Variants in PDP2 observed in about 807,000 individuals in gnomAD.
The protein encoded by PDP2 is [Pyruvate dehydrogenase [acetyl-transferring]]-phosphatase 2, mitochondrial.
Under a neutral mutation model 34.2 loss-of-function variants are expected in PDP2, and 23 were observed. The ratio of observed to expected loss-of-function variants is 0.67; its 90% CI spans 0.48 to 0.95. The LOEUF is 0.95. Ranked by LOEUF, PDP2 falls within the 40% of genes least tolerant of loss-of-function variation. The pLI, the probability that PDP2 is intolerant of heterozygous loss-of-function variation, is 0.00. For synonymous variants in PDP2, 275 were observed against 269.2 expected (o/e 1.02, Z -0.21); for missense variants, 571 against 659.6 (o/e 0.87, Z 1.47).
At position 66,884,767 on chromosome 16, in the gene PDP2, A is replaced by G. The variant is rs1961671230; in HGVS notation, c.483A>G (p.Ala161=). Reference sequence around the variant, plus strand: ...GCGAGAGGCTCTTCTACTATGTGGCAGTGTCCCTGATGTCCCACCAGACCC... The same window carrying G: ...GCGAGAGGCTCTTCTACTATGTGGCGGTGTCCCTGATGTCCCACCAGACCC... ...AVSERLFYYV[A]VSLMSHQTLE... The change falls in exon 2 of 2, where the codon GCA becomes GCG. Residue 161 remains alanine, a synonymous_variant. Coordinates refer to ENST00000311765, the MANE Select transcript of PDP2 (RefSeq NM_020786.4). The G allele has an allele frequency of 6.2e-7, 1 of 1,614,190 alleles. No homozygotes were observed. The highest frequency in any genetic ancestry group is 8.5e-7 in the Non-Finnish European group (1 of 1,180,040).
Position 66,884,862 on chromosome 16 carries a change from C to T in PDP2, c.578C>T (p.Pro193Leu). 1 of 1,614,060 alleles carries T rather than the reference C, an allele frequency of 6.2e-7. No homozygotes were observed. Among genetic ancestry groups the T allele is most frequent in the Non-Finnish European group, 8.5e-7 (1 of 1,179,974 alleles). Reference protein sequence around the residue: ...LLPILHWLKHPGDSIYKDVTS... With the variant: ...LLPILHWLKHLGDSIYKDVTS... ...CCCATCCTGCATTGGCTCAAGCACCCAGGGGACAGTATCTACAAGGATGTC... is the reference window on the plus strand; with the variant it reads ...CCCATCCTGCATTGGCTCAAGCACCTAGGGGACAGTATCTACAAGGATGTC... The change falls in exon 2 of 2, where the codon CCA becomes CTA. Residue 193 changes from proline to leucine, a missense_variant. This residue lies in a region of PDP2 where 290 missense variants were observed against 283.8 expected (regional missense o/e 1.02). Coordinates refer to ENST00000311765, the MANE Select transcript of PDP2 (RefSeq NM_020786.4).
chr16:66,885,253 G>C lies in PDP2; in HGVS notation c.969G>C (p.Glu323Asp). ...CCGAGCTGTCCCGGCTAAAGAGGGA[G>C]CACCCTGAGTCAGAGGACAGGACGA... ...NQAELSRLKREHPESEDRTII... is the reference protein window; with the variant it reads ...NQAELSRLKRDHPESEDRTII... The change falls in exon 2 of 2, where the codon GAG (glutamate) becomes GAC (aspartate). Residue 323 changes from glutamate (E) to aspartate (D), a missense_variant. By Grantham distance (45) the Glu-to-Asp change is conservative (BLOSUM62 2). Transcript: ENST00000311765. This position sits in a 1 kb window ranked among gnomAD's most constrained non-coding sequence, Gnocchi z 4.6. 1.2e-6 allele frequency: 2 copies of C among 1,614,168 alleles called. No individual in the cohort carries two copies. The highest frequency in any genetic ancestry group is 2.2e-5 in the South Asian group (2 of 91,084).
Position 66,886,480 on chromosome 16 carries a change from C to T in PDP2, c.*606C>T. ...AGTTCTGTTTTCGTTTATTTTAAAA[C>T]TGAATCCTTAAACTTGCAAACACGC... is the stretch of plus-strand genomic sequence containing the variant. On this transcript the variant is annotated 3_prime_UTR_variant, in exon 2 of 2. Transcript: ENST00000311765. 2.2e-6 allele frequency: 1 copy of T among 447,106 alleles called. No homozygotes were observed. Among genetic ancestry groups the T allele is most frequent in the Non-Finnish European group, 4.7e-6 (1 of 212,834 alleles). The allele number at this position is 447,106 out of a possible 1,614,324, so 27.7% of individuals were successfully genotyped here. A position where few individuals can be genotyped will look rare whatever the true frequency, so the allele number is the denominator to read the frequency against.
rs751034375 is a variant in PDP2, at chr16:66,884,751, T to C, written c.467T>C (p.Leu156Pro). Residue 156 changes from leucine (L) to proline (P), a missense_variant, in exon 2 of 2, where the codon CTC (leucine) becomes CCC (proline). By Grantham distance (98) the Leu-to-Pro change is moderately conservative. Around this residue, in one of 2 missense-constraint regions of PDP2, gnomAD observed 290 missense variants for 283.8 expected, o/e 1.02. Transcript: ENST00000311765. ...HACAQAVSER[L>P]FYYVAVSLMS... The stretch of plus-strand genomic sequence containing the variant: ...TGTGCCCAAGCAGTGAGCGAGAGGC[T>C]CTTCTACTATGTGGCAGTGTCCCTG... The C allele has an allele frequency of 1.2e-5, 20 of 1,614,182 alleles. No homozygotes were observed. In the South Asian group the frequency reaches 2.1e-4, roughly 17 times the overall value.
At chr16:66,881,429 TTTAA>T (rs1312201043) in intron 1 of PDP2, among the ~76,000 whole-genome samples, 1,210 of 92,198 alleles carry the variant, frequency 0.013, 9 homozygotes, top group Non-Finnish European at 0.016. Flanking sequence ...TTTTTTTTTT[TTTAA>T]TTTAATTTAA....
intron 1 of PDP2, among the ~76,000 whole-genome samples, chr16:66,881,229 C>G (rs1319715121): frequency 6.6e-6 from 1 of 152,132 alleles, no homozygotes; most frequent in African/African-American, 2.4e-5. Flanking sequence ...GCCGGAGCGT[C>G]AGGCGCCCTC....
In PDP2 at chr16:66,884,785, C is replaced by T; in HGVS notation, c.501C>T (p.His167=). ...ATGTGGCAGTGTCCCTGATGTCCCA[C>T]CAGACCCTGGAGCACATGGAGGGAG... The part of the protein sequence containing the change: ...FYYVAVSLMS[H]QTLEHMEGAM... The change falls in exon 2 of 2, where the codon CAC becomes CAT. Residue 167 remains histidine, a synonymous_variant. Coordinates refer to ENST00000311765, the MANE Select transcript of PDP2 (RefSeq NM_020786.4). 1.2e-6 allele frequency: 2 copies of T among 1,614,140 alleles called. No homozygotes were observed. The highest frequency in any genetic ancestry group is 1.3e-5 in the African/African-American group (1 of 75,054).
Position 66,885,441 on chromosome 16 carries a change from C to T in PDP2, c.1157C>T (p.Pro386Leu), listed in dbSNP as rs1961716802. The part of the protein sequence containing the change: ...YQFTPPHYYT[P>L]PYLTAEPEVT... Reference sequence around the variant, plus strand: ...TTCACACCCCCACACTACTACACTCCACCCTACCTGACTGCTGAGCCTGAG... The same window carrying T: ...TTCACACCCCCACACTACTACACTCTACCCTACCTGACTGCTGAGCCTGAG... Residue 386 changes from proline (P) to leucine (L), a missense_variant, in exon 2 of 2, where the codon CCA becomes CTA. Physicochemically the swap from Pro to Leu is moderately conservative, Grantham distance 98. Coordinates refer to ENST00000311765, the MANE Select transcript of PDP2 (RefSeq NM_020786.4). This position sits in a 1 kb window ranked among gnomAD's most constrained non-coding sequence, Gnocchi z 4.6. 6.2e-7 allele frequency: 1 copy of T among 1,613,746 alleles called. No individual in the cohort carries two copies. The highest frequency in any genetic ancestry group is 1.7e-5 in the Admixed American group (1 of 59,996).
rs1961861240 is a variant in PDP2, at chr16:66,888,068, CTT to C, written c.*2196_*2197del. ...TTCCTTCCTTCCTTCCTCTCTCTCTCTTTCTTTCTTTCTTTCCTTCTTGACAG... is the reference window on the plus strand; with the variant it reads ...TTCCTTCCTTCCTTCCTCTCTCTCTCTCTTTCTTTCTTTCCTTCTTGACAG... On this transcript the variant is annotated 3_prime_UTR_variant, in exon 2 of 2. Coordinates refer to ENST00000311765, the MANE Select transcript of PDP2 (RefSeq NM_020786.4). 3 of 135,692 alleles carry C rather than the reference CTT, an allele frequency of 2.2e-5. No individual in the cohort carries two copies. Among genetic ancestry groups the C allele is most frequent in the African/African-American group, 2.7e-5 (1 of 37,450 alleles). 8.4% of individuals were successfully genotyped at this position (135,692 alleles called of 1,614,324 possible).
chr16:66,885,607 G>A lies in PDP2; in HGVS notation c.1323G>A (p.Leu441=). The A allele has an allele frequency of 6.2e-7, 1 of 1,614,084 alleles. No individual in the cohort carries two copies. The highest frequency in any genetic ancestry group is 1.3e-5 in the African/African-American group (1 of 75,038). Residue 441 remains leucine (L), a synonymous_variant, in exon 2 of 2, where the codon CTG becomes CTA. Coordinates refer to ENST00000311765, the MANE Select transcript of PDP2 (RefSeq NM_020786.4). The surrounding 1 kb of genome is among the most constrained non-coding windows in gnomAD (Gnocchi z 4.6). The part of the protein sequence containing the change: ...LAEADWHKTD[L]AQRPANLGLM... ...AGGCAGATTGGCACAAGACAGACCT[G>A]GCCCAGAGACCCGCCAACTTGGGGC... is the stretch of plus-strand genomic sequence containing the variant.
At position 66,887,991 on chromosome 16, in the gene PDP2, G is replaced by GTCCTTCCTTCCT. The variant is rs373306980; in HGVS notation, c.*2174_*2185dup. The stretch of plus-strand genomic sequence containing the variant: ...AAAAATCCATCTTATCTCTTAGTCC[G>GTCCTTCCTTCCT]TCCTTCCTTCCTTCCTTCCTTCCTT... On this transcript the variant is annotated 3_prime_UTR_variant, in exon 2 of 2. Transcript: ENST00000311765. The GTCCTTCCTTCCT allele has an allele frequency of 8.2e-5, 8 of 97,338 alleles. No individual in the cohort carries two copies. The highest frequency in any genetic ancestry group is 1.2e-4 in the Non-Finnish European group (6 of 48,106). The allele number at this position is 97,338 out of a possible 1,614,324, so 6.0% of individuals were successfully genotyped here.
chr16:66,883,639 G>A (rs1002488152), intron 1 of PDP2, among the ~76,000 whole-genome samples: 2 of 150,704 alleles, frequency 1.3e-5, no homozygotes, highest in Non-Finnish European at 1.5e-5. Flanking sequence ...GGAGAGACAG[G>A]GTTTCACCAT....
rs751447151 is a variant in PDP2 at position 66,884,844 on chromosome 16, T to G, written c.560T>G (p.Leu187Arg). Residue 187 changes from leucine to arginine, a missense_variant, in exon 2 of 2, where the codon CTG (leucine) becomes CGG (arginine). Leu to Arg is a moderately radical substitution (Grantham distance 102). Around this residue, in one of 2 missense-constraint regions of PDP2, gnomAD observed 290 missense variants for 283.8 expected, o/e 1.02. Transcript: ENST00000311765. ...MESMKPLLPI[L>R]HWLKHPGDSI... ...AGCATGAAACCCTTGCTGCCCATCCTGCATTGGCTCAAGCACCCAGGGGAC... is the reference window on the plus strand; with the variant it reads ...AGCATGAAACCCTTGCTGCCCATCCGGCATTGGCTCAAGCACCCAGGGGAC... The G allele has an allele frequency of 2.5e-6, 4 of 1,614,070 alleles. No homozygotes were observed. The Admixed American group carries it at 6.7e-5, about 27-fold the overall frequency.
In PDP2 at chr16:66,885,650, C is replaced by G; in HGVS notation, c.1366C>G (p.Leu456Val). ...ANLGLMQSLL[L>V]QRKASGLHEA... ...CTTGGGGCTCATGCAGAGCCTGCTG[C>G]TGCAGAGGAAAGCCAGCGGGCTCCA... The change falls in exon 2 of 2, where the codon CTG becomes GTG. Residue 456 changes from leucine to valine, a missense_variant. Leu to Val is a conservative substitution (Grantham distance 32). Around this residue, in one of 2 missense-constraint regions of PDP2, gnomAD observed 281 missense variants for 375.8 expected, o/e 0.75. Transcript: ENST00000311765. This position sits in a 1 kb window ranked among gnomAD's most constrained non-coding sequence, Gnocchi z 4.6. 1.2e-6 allele frequency: 2 copies of G among 1,614,110 alleles called. No homozygotes were observed. Among genetic ancestry groups the G allele is most frequent in the Non-Finnish European group, 8.5e-7 (1 of 1,180,016 alleles).
chr16:66,880,856 C>T (rs1238163366), intron 1 of PDP2: 2 of 152,330 alleles, frequency 1.3e-5, no homozygotes, highest in African/African-American at 4.8e-5. Context: ...CGTGCGCGCG[C>T]CACGTGGGCC....
Position 66,885,663 on chromosome 16 carries a change from C to A in PDP2, c.1379C>A (p.Ala460Asp). 1.9e-6 allele frequency: 3 copies of A among 1,614,050 alleles called. No individual in the cohort carries two copies. The highest frequency in any genetic ancestry group is 2.5e-6 in the Non-Finnish European group (3 of 1,180,000). ...CAGAGCCTGCTGCTGCAGAGGAAAGCCAGCGGGCTCCACGAGGCTGACCAA... is the reference window on the plus strand; with the variant it reads ...CAGAGCCTGCTGCTGCAGAGGAAAGACAGCGGGCTCCACGAGGCTGACCAA... ...LMQSLLLQRKASGLHEADQNA... is the reference protein window; with the variant it reads ...LMQSLLLQRKDSGLHEADQNA... The change falls in exon 2 of 2, where the codon GCC (alanine) becomes GAC (aspartate). Residue 460 changes from alanine to aspartate, a missense_variant. Ala to Asp is a moderately radical substitution (Grantham distance 126). Coordinates refer to ENST00000311765, the MANE Select transcript of PDP2 (RefSeq NM_020786.4). This position sits in a 1 kb window ranked among gnomAD's most constrained non-coding sequence, Gnocchi z 4.6.
Position 66,886,515 on chromosome 16 carries a change from G to C in PDP2, c.*641G>C. On this transcript the variant is annotated 3_prime_UTR_variant, in exon 2 of 2. Coordinates refer to ENST00000311765, the MANE Select transcript of PDP2 (RefSeq NM_020786.4). Reference sequence around the variant, plus strand: ...AAACTTGCAAACACGCCTACTGTAAGCATGCTTGGAATGACTTGTTTTGGT... The same window carrying C: ...AAACTTGCAAACACGCCTACTGTAACCATGCTTGGAATGACTTGTTTTGGT... 4.3e-6 allele frequency: 2 copies of C among 467,780 alleles called. No homozygotes were observed. Among genetic ancestry groups the C allele is most frequent in the South Asian group, 3.1e-5 (2 of 64,334 alleles). The allele number at this position is 467,780 out of a possible 1,614,324, so 29.0% of individuals were successfully genotyped here.
chr16:66,884,477 C>T lies in PDP2; in HGVS notation c.193C>T (p.His65Tyr), dbSNP rs1961651499. Reference protein sequence around the residue: ...GGFTLCKAYRHTSTEEDDFHL... With the variant: ...GGFTLCKAYRYTSTEEDDFHL... ...CTTTACTCTGTGCAAAGCCTACAGA[C>T]ACACATCAACAGAGGAAGATGATTT... is the stretch of plus-strand genomic sequence containing the variant. Residue 65 changes from histidine to tyrosine, a missense_variant, in exon 2 of 2, where the codon CAC (histidine) becomes TAC (tyrosine). By Grantham distance (83) the His-to-Tyr change is moderately conservative. Around this residue, in one of 2 missense-constraint regions of PDP2, gnomAD observed 290 missense variants for 283.8 expected, o/e 1.02. Coordinates refer to ENST00000311765, the MANE Select transcript of PDP2 (RefSeq NM_020786.4). The T allele has an allele frequency of 1.2e-6, 2 of 1,614,190 alleles. No individual in the cohort carries two copies. The highest frequency in any genetic ancestry group is 8.5e-7 in the Non-Finnish European group (1 of 1,180,008).
At chr16:66,881,376 C>T (rs1198403533) in intron 1 of PDP2, among the ~76,000 whole-genome samples, 2 of 150,784 alleles carry the variant, frequency 1.3e-5, no homozygotes, top group African/African-American at 4.9e-5. Flanking sequence ...GGGCAGGATT[C>T]ATACATGAAA....
Sources: allele counts gnomAD v4.1 joint callset (sites outside exome capture counted in the v4.1 genomes callset), GRCh38; gene constraint gnomAD v4.1.1; regional missense constraint gnomAD v4.1.1; non-coding constraint Gnocchi (gnomAD v3.1); transcripts MANE v1.5; gene names NCBI Gene and HGNC (gene_info 2026-07-23, HGNC 2026-07-21).